The following BRINP3 variants were observed in gnomAD, a reference collection of about 807,000 sequenced individuals.
The protein encoded by BRINP3 is BMP/retinoic acid-inducible neural-specific protein 3.
A neutral mutation model predicts 71.0 loss-of-function variants in BRINP3; 19 were observed. That is an observed-to-expected ratio of 0.27 (90% CI 0.19 to 0.39). The LOEUF (loss-of-function observed/expected upper bound fraction) is 0.39, where lower values mean the gene tolerates loss of function less well. BRINP3 is among the 10% of genes least tolerant of loss of function. The pLI is 1.00. For synonymous variants in BRINP3, 380 were observed against 337.7 expected (o/e 1.13, Z -1.37); for missense variants, 959 against 940.8 (o/e 1.02, Z -0.25).
At chr1:190,207,771 AATTG>A (rs1265734053) in intron 6 of BRINP3, among the ~76,000 whole-genome samples, 7 of 152,172 alleles carry the variant, frequency 4.6e-5, no homozygotes, top group African/African-American at 1.7e-4. Flanking sequence ...ATAATGAACA[AATTG>A]ATTTTTAGAA....
At chr1:190,421,291 C>CGTTATT (rs775395944) in intron 2 of BRINP3, among the ~76,000 whole-genome samples, 6 of 132,068 alleles carry the variant, frequency 4.5e-5, no homozygotes, top group Non-Finnish European at 1.0e-4. Flanking sequence ...ACAAGATTCT[C>CGTTATT]ATTATTATTA....
At chr1:190,406,560 G>A (rs1437251680) in intron 2 of BRINP3, among the ~76,000 whole-genome samples, 2 of 152,098 alleles carry the variant, frequency 1.3e-5, no homozygotes, top group Non-Finnish European at 2.9e-5. Flanking sequence ...ACAGCTTTTA[G>A]ATGAACTGAG....
chr1:190,239,541 T>C (rs756425017), intron 4 of BRINP3, among the ~76,000 whole-genome samples: 27 of 152,148 alleles, frequency 1.8e-4, no homozygotes, highest in Admixed American at 3.3e-4. Context: ...TAAATACTTA[T>C]GTTCTAGAAA....
At chr1:190,288,274 C>G (rs1663588970) in intron 2 of BRINP3, among the ~76,000 whole-genome samples, 1 of 151,246 alleles carries the variant, frequency 6.6e-6, no homozygotes, top group African/African-American at 2.4e-5. Flanking sequence ...CATATCTGAG[C>G]TAAAATAAAA....
rs34329313 is a variant in BRINP3 at position 190,379,997 on chromosome 1, CA to C, written c.236+74657del. Among the ~76,000 whole-genome samples the C allele has an allele frequency of 8.3e-3, 834 of 100,842 alleles. 9 individuals are homozygous for C. Among genetic ancestry groups the C allele is most frequent in the African/African-American group, 0.031 (761 of 24,676 alleles). 66.2% of individuals were successfully genotyped at this position (100,842 alleles called of 152,430 possible). ...TGGGCAACAGGGAGAGACTCCACCTCAAAAAAAAAAAAAAAGAAAAAAGAAA... is the reference window on the plus strand; with the variant it reads ...TGGGCAACAGGGAGAGACTCCACCTCAAAAAAAAAAAAAAGAAAAAAGAAA... On this transcript the variant is annotated intron_variant, in intron 2 of 7. Coordinates refer to ENST00000367462, the MANE Select transcript of BRINP3 (RefSeq NM_199051.3).
intron 2 of BRINP3, among the ~76,000 whole-genome samples, chr1:190,452,334 C>G (rs1675667369): frequency 6.6e-6 from 1 of 152,132 alleles, no homozygotes; most frequent in Non-Finnish European, 1.5e-5. Flanking sequence ...AACCTAGCTC[C>G]ATTGTTTATA....
At chr1:190,248,779 C>T (rs1034655541) in intron 4 of BRINP3, among the ~76,000 whole-genome samples, 10 of 151,806 alleles carry the variant, frequency 6.6e-5, no homozygotes, top group Middle Eastern at 3.4e-3. Context: ...CACTCACAAA[C>T]ACCTATATAT....
chr1:190,290,062 G>T (rs951001779), intron 2 of BRINP3, among the ~76,000 whole-genome samples: 1 of 151,978 alleles, frequency 6.6e-6, no homozygotes, highest in Non-Finnish European at 1.5e-5. Flanking sequence ...GTATGAAAAA[G>T]AATGAGGTTT....
intron 3 of BRINP3, among the ~76,000 whole-genome samples, chr1:190,273,441 G>A (rs1196859260): frequency 6.6e-6 from 1 of 151,502 alleles, no homozygotes; most frequent in Non-Finnish European, 1.5e-5. Flanking sequence ...GATATAAAAA[G>A]ATGTGATTAT....
intron 6 of BRINP3, among the ~76,000 whole-genome samples, chr1:190,184,158 C>T (rs1008698842): frequency 1.4e-4 from 22 of 152,128 alleles, no homozygotes; most frequent in Admixed American, 1.4e-3. Context: ...ATGTGAATGT[C>T]TCTGCACTTC....
Position 190,471,319 on chromosome 1 carries a change from A to C in BRINP3, c.-51+6129T>G, listed in dbSNP as rs74130773. Among the ~76,000 whole-genome samples, 565 of 151,378 alleles carry C rather than the reference A, an allele frequency of 3.7e-3. 4 individuals are homozygous for C. The highest frequency in any genetic ancestry group is 0.013 in the African/African-American group (525 of 41,504). On this transcript the variant is annotated intron_variant, in intron 1 of 7. Transcript: ENST00000367462. ...GCTCATTTTCAAAAAACAGGATAGA[A>C]TATTTCCTAAAATAGAATAAATATT... is the stretch of plus-strand genomic sequence containing the variant.
intron 2 of BRINP3, among the ~76,000 whole-genome samples, chr1:190,384,876 T>C (rs1020041107): frequency 6.6e-6 from 1 of 151,896 alleles, no homozygotes; most frequent in Non-Finnish European, 1.5e-5. Flanking sequence ...GATAGAATAT[T>C]GATAAAAATA....
intron 2 of BRINP3, among the ~76,000 whole-genome samples, chr1:190,339,158 G>A (rs1667489173): frequency 6.6e-6 from 1 of 151,850 alleles, no homozygotes; most frequent in Non-Finnish European, 1.5e-5. Flanking sequence ...CTAGGACAGT[G>A]GCCTTTCAAA....
At chr1:190,200,234 G>T (rs1654881519) in intron 6 of BRINP3, among the ~76,000 whole-genome samples, 2 of 152,054 alleles carry the variant, frequency 1.3e-5, no homozygotes, top group African/African-American at 4.8e-5. Context: ...ATGGCTACTA[G>T]CACCTCTTCC....
intron 2 of BRINP3, among the ~76,000 whole-genome samples, chr1:190,394,896 G>A: frequency 6.6e-6 from 1 of 151,618 alleles, no homozygotes; most frequent in Non-Finnish European, 1.5e-5. Flanking sequence ...GGGAAAGACT[G>A]TTGAATGCAT....
intron 7 of BRINP3, among the ~76,000 whole-genome samples, chr1:190,158,781 AT>A (rs199564331): frequency 3.3e-5 from 5 of 151,880 alleles, no homozygotes; most frequent in African/African-American, 7.3e-5. Context: ...AATGAAAAAA[AT>A]AATAAGGACT....
chr1:190,163,836 A>G (rs1054762144), intron 6 of BRINP3, among the ~76,000 whole-genome samples: 1 of 152,134 alleles, frequency 6.6e-6, no homozygotes, highest in Admixed American at 6.6e-5. Flanking sequence ...AACACTTGAT[A>G]ACCAATTAGC....
At chr1:190,311,925 T>A (rs988955852) in intron 2 of BRINP3, among the ~76,000 whole-genome samples, 1 of 149,682 alleles carries the variant, frequency 6.7e-6, no homozygotes, top group Non-Finnish European at 1.5e-5. Flanking sequence ...CCTAGAGGCA[T>A]GTTGATCATA....
intron 2 of BRINP3, among the ~76,000 whole-genome samples, chr1:190,451,569 T>G (rs1467282576): frequency 6.6e-6 from 1 of 152,090 alleles, no homozygotes; most frequent in Non-Finnish European, 1.5e-5. Context: ...AAAACACTTT[T>G]AGAAATGCCT....
Sources: gnomAD v4.1 joint callset for allele counts (sites outside exome capture counted in the v4.1 genomes callset) on GRCh38, gnomAD v4.1.1 for gene constraint, MANE v1.5 for transcripts, NCBI Gene and HGNC (gene_info 2026-07-23, HGNC 2026-07-21) for gene names.